Variants in CAST observed in about 807,000 individuals in gnomAD.
CAST encodes the protein calpastatin.
In CAST, 76 loss-of-function variants were observed where a neutral mutation model predicts 119.6. The observed-to-expected ratio is 0.64, with a 90% CI of 0.53 to 0.77. The LOEUF (loss-of-function observed/expected upper bound fraction) is 0.77, where lower values mean the gene tolerates loss of function less well. Among genes scored for constraint, CAST ranks in the 30% least tolerant of loss-of-function variants. The probability of loss-of-function intolerance (pLI) is 0.00; values close to 1 mark genes in which losing one functional copy is unlikely to be tolerated. For synonymous variants in CAST, 319 were observed against 331.6 expected (o/e 0.96, Z 0.41); for missense variants, 953 against 946.5 (o/e 1.01, Z -0.09).
the CAST span, among the ~76,000 whole-genome samples, chr5:96,457,461 A>G: frequency 6.6e-6 from 1 of 152,138 alleles, no homozygotes; most frequent in African/African-American, 2.4e-5. Context: ...TACAGCTCTT[A>G]GATTGACTAA....
chr5:96,743,643 C>A, intron 16 of CAST: 5 of 1,613,112 alleles, frequency 3.1e-6, no homozygotes, highest in Non-Finnish European at 4.2e-6. Flanking sequence ...CAGTTTCTAT[C>A]TTCGACTTTC....
At chr5:96,456,128 A>G in the CAST span, among the ~76,000 whole-genome samples, 2 of 152,340 alleles carry the variant, frequency 1.3e-5, no homozygotes, top group South Asian at 4.1e-4. Context: ...GGATGACCCG[A>G]GCCCCCTAAA....
the CAST span, among the ~76,000 whole-genome samples, chr5:96,055,529 A>C: frequency 6.6e-6 from 1 of 152,296 alleles, no homozygotes; most frequent in South Asian, 2.1e-4. Flanking sequence ...TATAAGGTGA[A>C]TGTTTCAGGA....
intron 1 of CAST, among the ~76,000 whole-genome samples, chr5:96,610,452 T>G (rs1019692870): frequency 6.6e-6 from 1 of 152,226 alleles, no homozygotes; most frequent in Non-Finnish European, 1.5e-5. Context: ...GAAAAGGCAT[T>G]CGATAAAATC....
the CAST span, among the ~76,000 whole-genome samples, chr5:96,250,175 T>G: frequency 1.3e-5 from 2 of 152,216 alleles, no homozygotes; most frequent in African/African-American, 4.8e-5. Flanking sequence ...ACTTTGGAAC[T>G]GAACTTATTT....
At chr5:96,717,192 G>T (rs561193961) in intron 3 of CAST, among the ~76,000 whole-genome samples, 1 of 152,278 alleles carries the variant, frequency 6.6e-6, no homozygotes, top group South Asian at 2.1e-4. Flanking sequence ...TCATCGATAA[G>T]ACATAATGTA....
chr5:96,766,211 G>T, intron 27 of CAST, 66 bp downstream of exon 27: 1 of 863,588 alleles, frequency 1.2e-6, no homozygotes, highest in Admixed American at 1.9e-5. Flanking sequence ...AACCTCCCTT[G>T]AAATAAATAG....
At chr5:96,596,824 A>G (rs1747058181) in intron 1 of CAST, among the ~76,000 whole-genome samples, 1 of 152,204 alleles carries the variant, frequency 6.6e-6, no homozygotes, top group South Asian at 2.1e-4. Flanking sequence ...CGAAGGTGCC[A>G]GCAGGGTTAG....
chr5:96,634,112 C>T (rs910985726), intron 1 of CAST, among the ~76,000 whole-genome samples: 2 of 152,340 alleles, frequency 1.3e-5, no homozygotes, highest in South Asian at 2.1e-4. Context: ...GTTGTGCTGA[C>T]TGACGACATA....
the CAST span, among the ~76,000 whole-genome samples, chr5:96,436,939 CA>C: frequency 6.6e-6 from 1 of 152,178 alleles, no homozygotes; most frequent in Non-Finnish European, 1.5e-5. Flanking sequence ...AGCAGATCCA[CA>C]GACACTTTTC....
chr5:96,547,439 G>A (rs1367093620), intron 1 of CAST, among the ~76,000 whole-genome samples: 1 of 152,180 alleles, frequency 6.6e-6, no homozygotes, highest in Non-Finnish European at 1.5e-5. Flanking sequence ...AGATGTCCCA[G>A]CTCAAGGAGA....
the CAST span, among the ~76,000 whole-genome samples, chr5:96,191,103 A>G: frequency 6.6e-6 from 1 of 152,200 alleles, no homozygotes; most frequent in Admixed American, 6.5e-5. Context: ...GGAGCTTACC[A>G]TCTTGAACTA....
the CAST span, among the ~76,000 whole-genome samples, chr5:96,242,742 A>G: frequency 1.3e-5 from 2 of 152,164 alleles, no homozygotes; most frequent in African/African-American, 2.4e-5. Context: ...TGGAAATCTG[A>G]GAATAGGAGG....
chr5:95,970,396 G>GT, the CAST span: 1 of 152,192 alleles, frequency 6.6e-6, no homozygotes, highest in Non-Finnish European at 1.5e-5. Context: ...TGGAAATAGG[G>GT]TACTGCCAGT....
At chr5:96,534,797 GAAAGAAGA>G (rs1267180777) in intron 1 of CAST, among the ~76,000 whole-genome samples, 1,786 of 110,374 alleles carry the variant, frequency 0.016, 66 homozygotes, top group Non-Finnish European at 0.024. Flanking sequence ...AAGAAAGAAA[GAAAGAAGA>G]AAGAAAGAAA....
the CAST span, among the ~76,000 whole-genome samples, chr5:96,496,084 C>T: frequency 1.3e-5 from 2 of 151,964 alleles, no homozygotes; most frequent in African/African-American, 4.8e-5. Context: ...TGAAATTAAC[C>T]TCCTTGGCTG....
At chr5:96,448,153 C>T in the CAST span, among the ~76,000 whole-genome samples, 1 of 152,168 alleles carries the variant, frequency 6.6e-6, no homozygotes, top group Non-Finnish European at 1.5e-5. Flanking sequence ...AAAGCTACTG[C>T]TCATTGCTAT....
At chr5:96,191,293 A>G in the CAST span, among the ~76,000 whole-genome samples, 32 of 152,320 alleles carry the variant, frequency 2.1e-4, no homozygotes, top group African/African-American at 7.0e-4. Context: ...GGCACTTTTG[A>G]CTATATGTCC....
the CAST span, among the ~76,000 whole-genome samples, chr5:96,040,881 C>A: frequency 6.6e-6 from 1 of 152,060 alleles, no homozygotes; most frequent in Admixed American, 6.6e-5. Context: ...TGTTGCTGAC[C>A]TCATAAAATG....
Sources: gnomAD v4.1 joint callset for allele counts (sites outside exome capture counted in the v4.1 genomes callset) on GRCh38, gnomAD v4.1.1 for gene constraint, MANE v1.5 for transcripts, NCBI Gene and HGNC (gene_info 2026-07-23, HGNC 2026-07-21) for gene names.